RAB11FIP2: variants seen among roughly 807,000 people sequenced by gnomAD.
RAB11FIP2 encodes the protein rab11 family-interacting protein 2.
RAB11FIP2 carries 16 observed loss-of-function variants against 40.9 expected under a neutral mutation model. The observed-to-expected ratio is 0.39, with a 90% confidence interval of 0.26 to 0.59. The LOEUF (loss-of-function observed/expected upper bound fraction) is 0.59. Among genes scored for constraint, RAB11FIP2 ranks in the 20% least tolerant of loss-of-function variants. The pLI is 0.53. For synonymous variants in RAB11FIP2, 228 were observed against 213.7 expected (o/e 1.07, Z -0.58); for missense variants, 532 against 606.2 (o/e 0.88, Z 1.28).
intron 3 of RAB11FIP2, among the ~76,000 whole-genome samples, chr10:118,024,192 T>C (rs1846314422): frequency 6.6e-6 from 1 of 152,078 alleles, no homozygotes; most frequent in Non-Finnish European, 1.5e-5. Flanking sequence ...AAGTTCTCCA[T>C]TCCTTTAAAA....
At chr10:118,026,682 C>T (rs1300778031) in intron 3 of RAB11FIP2, among the ~76,000 whole-genome samples, 2 of 152,158 alleles carry the variant, frequency 1.3e-5, no homozygotes, top group Non-Finnish European at 2.9e-5. Flanking sequence ...TGTCACCATG[C>T]CTTAATGGAA....
intron 1 of RAB11FIP2, among the ~76,000 whole-genome samples, chr10:118,042,310 TCA>T (rs1291360119): frequency 6.6e-6 from 1 of 152,222 alleles, no homozygotes; most frequent in East Asian, 1.9e-4. Flanking sequence ...TAGTGGAAAT[TCA>T]CAGACTTTTA....
chr10:118,046,124 G>C lies in RAB11FIP2; in HGVS notation c.40C>G (p.His14Asp). The change falls in exon 1 of 5, where the codon CAC becomes GAC. Residue 14 changes from histidine (H) to aspartate (D), a missense_variant. By Grantham distance (81) the His-to-Asp change is moderately conservative. Transcript: ENST00000355624. Reference protein sequence around the residue: ...SEQAQKWFPTHVQVTVLQAKD... With the variant: ...SEQAQKWFPTDVQVTVLQAKD... ...GCTTGGAGCACTGTGACCTGCACGT[G>C]GGTTGGAAACCACTTTTGGGCTTGC... The C allele has an allele frequency of 6.2e-7, 1 of 1,614,176 alleles. No homozygotes were observed. Among genetic ancestry groups the C allele is most frequent in the African/African-American group, 1.3e-5 (1 of 75,054 alleles).
chr10:118,040,088 TC>T lies in RAB11FIP2; in HGVS notation c.796+34del, dbSNP rs757011945. The stretch of plus-strand genomic sequence containing the variant: ...AAACTTTAAAAACTAAAAGGGTAGT[TC>T]AGACCAATGAGTACACAAGAATGTG... On this transcript the variant is annotated intron_variant, in intron 2 of 4. Transcript: ENST00000355624. 3.0e-5 allele frequency: 47 copies of T among 1,558,258 alleles called. No individual in the cohort carries two copies. The South Asian group carries it at 5.4e-4, about 18-fold the overall frequency.
intron 3 of RAB11FIP2, among the ~76,000 whole-genome samples, chr10:118,019,633 C>T: frequency 6.6e-6 from 1 of 151,908 alleles, no homozygotes; most frequent in East Asian, 1.9e-4. Flanking sequence ...ACCATCCTGG[C>T]TAACACGGTG....
At chr10:118,009,922 T>C (rs978486446) in intron 4 of RAB11FIP2, among the ~76,000 whole-genome samples, 11 of 152,160 alleles carry the variant, frequency 7.2e-5, no homozygotes, top group African/African-American at 2.7e-4. Flanking sequence ...AGTTCAACCA[T>C]ATTAATACTA....
chr10:118,039,890 A>C, intron 2 of RAB11FIP2: 1 of 458,170 alleles, frequency 2.2e-6, no homozygotes, highest in Non-Finnish European at 3.8e-6. Context: ...CCATAAAAGG[A>C]AACTGGCACT....
chr10:118,023,295 T>G (rs534199622), intron 3 of RAB11FIP2, among the ~76,000 whole-genome samples: 1 of 152,320 alleles, frequency 6.6e-6, no homozygotes, highest in East Asian at 1.9e-4. Context: ...CCCAAAGAGA[T>G]TCCACTAAAG....
chr10:118,031,474 T>A (rs1201657850), intron 3 of RAB11FIP2, among the ~76,000 whole-genome samples: 1 of 152,094 alleles, frequency 6.6e-6, no homozygotes, highest in African/African-American at 2.4e-5. Context: ...TAAATATACA[T>A]TCCAGGTAAC....
chr10:118,040,166 A>T lies in RAB11FIP2; in HGVS notation c.753T>A (p.Leu251=). Residue 251 remains leucine (L), a synonymous_variant, in exon 2 of 5, where the codon CTT becomes CTA. Transcript: ENST00000355624. Reference sequence around the variant, plus strand: ...CAAAGGAATCTAACTGGTGTCCGAGAAGATGTGTTTGACCTATGGTGCCAG... The same window carrying T: ...CAAAGGAATCTAACTGGTGTCCGAGTAGATGTGTTTGACCTATGGTGCCAG... ...LKAGTIGQTH[L]LGHQLDSFGT... is the part of the protein sequence containing the mutation. 2 of 1,613,818 alleles carry T rather than the reference A, an allele frequency of 1.2e-6. No individual in the cohort carries two copies. The highest frequency in any genetic ancestry group is 1.7e-6 in the Non-Finnish European group (2 of 1,179,748).
At chr10:118,036,330 C>T (rs1317622939) in intron 3 of RAB11FIP2, among the ~76,000 whole-genome samples, 1 of 152,030 alleles carries the variant, frequency 6.6e-6, no homozygotes, top group Non-Finnish European at 1.5e-5. Flanking sequence ...ATTTAGCACT[C>T]CTGAAAAAAA....
At chr10:118,021,013 T>C (rs1846278440) in intron 3 of RAB11FIP2, among the ~76,000 whole-genome samples, 1 of 152,088 alleles carries the variant, frequency 6.6e-6, no homozygotes, top group South Asian at 2.1e-4. Context: ...TTTCAAAATA[T>C]GCATAGCCTC....
intron 1 of RAB11FIP2, 31 bp downstream of exon 1, chr10:118,045,780 C>T (rs764364541): frequency 1.3e-6 from 2 of 1,492,826 alleles, no homozygotes; most frequent in Non-Finnish European, 1.8e-6. Flanking sequence ...ATATAAACTC[C>T]CCCAAATTCA....
intron 3 of RAB11FIP2, 129 bp from the exon 4 acceptor site, chr10:118,015,239 T>A: frequency 1.7e-6 from 1 of 590,012 alleles, no homozygotes; most frequent in African/African-American, 1.9e-5. Flanking sequence ...GAGTGAAATT[T>A]AATCCAAGAA....
chr10:118,008,936 C>A lies in RAB11FIP2; in HGVS notation c.*62G>T. ...TAGTCTCTTTCAGTAACAAGTTTTTCCTTCCTTCCTTCTTTCTTTCTCTCT... is the reference window on the plus strand; with the variant it reads ...TAGTCTCTTTCAGTAACAAGTTTTTACTTCCTTCCTTCTTTCTTTCTCTCT... On this transcript the variant is annotated 3_prime_UTR_variant, in exon 5 of 5. Coordinates refer to ENST00000355624, the MANE Select transcript of RAB11FIP2 (RefSeq NM_014904.3). The A allele has an allele frequency of 1.0e-6, 1 of 994,096 alleles. No homozygotes were observed. Among genetic ancestry groups the A allele is most frequent in the Non-Finnish European group, 1.5e-6 (1 of 647,064 alleles). The allele number at this position is 994,096 out of a possible 1,614,324, so 61.6% of individuals were successfully genotyped here.
At position 118,008,914 on chromosome 10, in the gene RAB11FIP2, T is replaced by A; in HGVS notation, c.*84A>T. ...TATGTAATGAAACCTGATAGTGTAG[T>A]CTCTTTCAGTAACAAGTTTTTCCTT... On this transcript the variant is annotated 3_prime_UTR_variant, in exon 5 of 5. Transcript: ENST00000355624. 1 of 1,090,134 alleles carries A rather than the reference T, an allele frequency of 9.2e-7. No homozygotes were observed. The highest frequency in any genetic ancestry group is 2.1e-4 in the Middle Eastern group (1 of 4,820). 67.5% of individuals were successfully genotyped at this position (1,090,134 alleles called of 1,614,324 possible).
intron 3 of RAB11FIP2, among the ~76,000 whole-genome samples, chr10:118,037,260 T>C (rs1374832332): frequency 6.6e-6 from 1 of 152,252 alleles, no homozygotes; most frequent in East Asian, 1.9e-4. Context: ...TACCATATGA[T>C]AAAAATGTTA....
Position 118,006,706 on chromosome 10 carries a change from A to AT in RAB11FIP2, c.*2291dup, listed in dbSNP as rs1029020132. On this transcript the variant is annotated 3_prime_UTR_variant, in exon 5 of 5. Transcript: ENST00000355624. ...AGGTAATGAGTGAAAATTCACAAAC[A>AT]TTAGAACAGCAAATTTTCAGGCAGT... is the stretch of plus-strand genomic sequence containing the variant. 8.5e-4 allele frequency: 130 copies of AT among 152,236 alleles called. No homozygotes were observed. The highest frequency in any genetic ancestry group is 2.8e-3 in the African/African-American group (117 of 41,576). 9.4% of individuals were successfully genotyped at this position (152,236 alleles called of 1,614,324 possible). A position where few individuals can be genotyped will look rare whatever the true frequency, so the allele number is the denominator to read the frequency against.
chr10:118,033,796 G>A lies in RAB11FIP2; in HGVS notation c.1265+5176C>T, dbSNP rs556818639. ...TGACTAGGGCTTTCTTAAACACAAC[G>A]AAAGGTACTACAGCCCATGTGCCCT... On this transcript the variant is annotated intron_variant, in intron 3 of 4. Coordinates refer to ENST00000355624, the MANE Select transcript of RAB11FIP2 (RefSeq NM_014904.3). 9.2e-5 allele frequency among the ~76,000 whole-genome samples: 14 copies of A among 152,190 alleles called. No individual in the cohort carries two copies. The South Asian group carries it at 1.9e-3, about 20-fold the overall frequency.
Sources: allele counts gnomAD v4.1 joint callset (sites outside exome capture counted in the v4.1 genomes callset), GRCh38; gene constraint gnomAD v4.1.1; transcripts MANE v1.5; gene names NCBI Gene and HGNC (gene_info 2026-07-23, HGNC 2026-07-21).